Variants in PAK3 observed in about 807,000 individuals in gnomAD.
The protein encoded by PAK3 is serine/threonine-protein kinase PAK 3.
Under a neutral mutation model 41.0 loss-of-function variants are expected in PAK3, and 4 were observed. That is an observed-to-expected ratio of 0.10 (90% CI 0.05 to 0.22). PAK3 has a LOEUF of 0.22. Among genes scored for constraint, PAK3 ranks in the 10% least tolerant of loss-of-function variants. PAK3 has a pLI of 1.00. For missense variants in PAK3, 205 were observed against 409.9 expected (o/e 0.50, Z 4.32); for synonymous variants, 146 against 139.6 (o/e 1.05, Z -0.32).
chrX:110,982,707 T>C (rs1363184895), intron 1 of PAK3, among the ~76,000 whole-genome samples: 1 of 111,288 alleles, frequency 9.0e-6, no homozygotes, highest in Non-Finnish European at 1.9e-5. Flanking sequence ...CTGAAAAGGG[T>C]GAACTTTTTC....
intron 3 of PAK3, among the ~76,000 whole-genome samples, chrX:111,099,401 A>G (rs1475210431): frequency 9.0e-6 from 1 of 111,428 alleles, no homozygotes; most frequent in Non-Finnish European, 1.9e-5. Context: ...AAAACGGTGC[A>G]GCTACAGCTG....
At chrX:111,164,035 A>C (rs1165199954) in intron 10 of PAK3, among the ~76,000 whole-genome samples, 1 of 112,165 alleles carries the variant, frequency 8.9e-6, no homozygotes, top group Admixed American at 9.5e-5. Flanking sequence ...ATATGTTATG[A>C]TCATAACCCA....
At chrX:111,110,339 G>T (rs2093348613) in intron 4 of PAK3, among the ~76,000 whole-genome samples, 1 of 111,690 alleles carries the variant, frequency 9.0e-6, no homozygotes, top group Non-Finnish European at 1.9e-5. Context: ...GTGAGTGGCA[G>T]TACTAGGCTT....
intron 1 of PAK3, among the ~76,000 whole-genome samples, chrX:111,074,713 T>C (rs1445149253): frequency 7.1e-5 from 8 of 112,171 alleles, no homozygotes; most frequent in Non-Finnish European, 1.5e-4. Flanking sequence ...AATTTGAATG[T>C]TGCAGAAGAA....
At chrX:111,047,480 C>G (rs1207695782) in intron 1 of PAK3, among the ~76,000 whole-genome samples, 1 of 110,111 alleles carries the variant, frequency 9.1e-6, no homozygotes, top group Non-Finnish European at 1.9e-5. Context: ...CCATTTCTTA[C>G]TGGGGGCATC....
intron 8 of PAK3, among the ~76,000 whole-genome samples, chrX:111,159,720 A>G (rs1312673925): frequency 8.9e-6 from 1 of 112,340 alleles, no homozygotes; most frequent in East Asian, 2.8e-4. Context: ...TGCTATCCAC[A>G]TAGCTATACA....
At chrX:110,964,822 G>C (rs1023863567) in intron 1 of PAK3, among the ~76,000 whole-genome samples, 49 of 112,205 alleles carry the variant, frequency 4.4e-4, no homozygotes, top group African/African-American at 1.5e-3. Context: ...TGGGGAGGAG[G>C]GGGAGAAGGA....
At chrX:111,172,025 T>G (rs902829612) in intron 10 of PAK3, among the ~76,000 whole-genome samples, 1 of 112,017 alleles carries the variant, frequency 8.9e-6, no homozygotes, top group Non-Finnish European at 1.9e-5. Context: ...CCCTTAGCAC[T>G]GTACTAGGTA....
intron 1 of PAK3, among the ~76,000 whole-genome samples, chrX:111,062,114 C>T (rs942245555): frequency 9.0e-6 from 1 of 111,702 alleles, no homozygotes; most frequent in Non-Finnish European, 1.9e-5. Flanking sequence ...AGTCACCACA[C>T]TGAGCTCCCA....
chrX:111,008,645 A>T (rs1186961027), intron 1 of PAK3, among the ~76,000 whole-genome samples: 1 of 112,382 alleles, frequency 8.9e-6, no homozygotes, highest in East Asian at 2.8e-4. Context: ...TTGCTGGGTG[A>T]CTTTCTAGCA....
chrX:111,160,351 A>C (rs1215429098), intron 8 of PAK3, among the ~76,000 whole-genome samples: 1 of 111,505 alleles, frequency 9.0e-6, no homozygotes, highest in Non-Finnish European at 1.9e-5. Flanking sequence ...AAGAAGTATT[A>C]ATCTAACATT....
At chrX:111,049,426 C>T (rs1160483488) in intron 1 of PAK3, among the ~76,000 whole-genome samples, 1 of 112,146 alleles carries the variant, frequency 8.9e-6, no homozygotes, top group Non-Finnish European at 1.9e-5. Context: ...GGAACAGTGC[C>T]TGGTATGTAG....
At chrX:111,154,852 G>C (rs914938627) in intron 8 of PAK3, among the ~76,000 whole-genome samples, 1 of 111,088 alleles carries the variant, frequency 9.0e-6, no homozygotes, top group Non-Finnish European at 1.9e-5. Flanking sequence ...AATCTTGACT[G>C]GGTATTCTGG....
At chrX:111,083,553 T>A (rs769505119) in intron 1 of PAK3, among the ~76,000 whole-genome samples, 23 of 112,554 alleles carry the variant, frequency 2.0e-4, no homozygotes, top group Non-Finnish European at 3.6e-4. Context: ...TCTCTGTTCC[T>A]TAACCTCTTC....
intron 1 of PAK3, among the ~76,000 whole-genome samples, chrX:111,060,298 A>T (rs1045806309): frequency 1.8e-5 from 2 of 111,874 alleles, no homozygotes; most frequent in Non-Finnish European, 3.8e-5. Flanking sequence ...CATGGTGTAT[A>T]TTCCTTTTTA....
intron 10 of PAK3, among the ~76,000 whole-genome samples, chrX:111,168,073 T>C (rs1439610275): frequency 9.0e-6 from 1 of 111,210 alleles, no homozygotes; most frequent in Non-Finnish European, 1.9e-5. Context: ...GATATCAATT[T>C]AGAGAATCTT....
At chrX:111,031,617 C>T (rs1446591718) in intron 1 of PAK3, among the ~76,000 whole-genome samples, 1 of 111,096 alleles carries the variant, frequency 9.0e-6, no homozygotes, top group Non-Finnish European at 1.9e-5. Context: ...CAATTAATGT[C>T]TTCATCTTTC....
intron 1 of PAK3, among the ~76,000 whole-genome samples, chrX:111,061,803 C>T (rs992560267): frequency 9.1e-6 from 1 of 110,224 alleles, no homozygotes; most frequent in Admixed American, 9.7e-5. Flanking sequence ...GCTTTGTGAA[C>T]CTTATACTCA....
chrX:110,968,151 A>G (rs1365423238), intron 1 of PAK3, among the ~76,000 whole-genome samples: 2 of 112,705 alleles, frequency 1.8e-5, no homozygotes, highest in African/African-American at 3.2e-5. Context: ...GTTGTTGCAT[A>G]TACTAGTAGT....
Sources: allele counts gnomAD v4.1 joint callset (sites outside exome capture counted in the v4.1 genomes callset), GRCh38; gene constraint gnomAD v4.1.1; transcripts MANE v1.5; gene names NCBI Gene and HGNC (gene_info 2026-07-23, HGNC 2026-07-21).